Variants in PLEKHM3 observed in about 807,000 individuals in gnomAD.
The protein encoded by PLEKHM3 is pleckstrin homology domain-containing family M member 3.
In PLEKHM3, 45 loss-of-function variants were observed where a neutral mutation model predicts 81.8. The ratio of observed to expected loss-of-function variants is 0.55; its 90% confidence interval spans 0.43 to 0.71. The LOEUF is 0.71. Among genes scored for constraint, PLEKHM3 ranks in the 30% least tolerant of loss-of-function variants. The pLI is 0.00. For synonymous variants in PLEKHM3, 352 were observed against 356.4 expected (o/e 0.99, Z 0.14); for missense variants, 788 against 924.3 (o/e 0.85, Z 1.91).
At chr2:207,841,401 A>T (rs1482470901) in intron 7 of PLEKHM3, among the ~76,000 whole-genome samples, 4 of 138,254 alleles carry the variant, frequency 2.9e-5, no homozygotes, top group Non-Finnish European at 6.1e-5. Context: ...GGAGGCCGAG[A>T]TCACGCCATT....
At chr2:207,967,161 A>T (rs1690944274) in intron 3 of PLEKHM3, among the ~76,000 whole-genome samples, 1 of 151,536 alleles carries the variant, frequency 6.6e-6, no homozygotes, top group African/African-American at 2.4e-5. Context: ...TATTTTTTTT[A>T]TTTTTTATTT....
chr2:207,980,422 A>G lies in PLEKHM3; in HGVS notation c.611-2836T>C, dbSNP rs1691480068. On this transcript the variant is annotated intron_variant, in intron 2 of 7. Coordinates refer to ENST00000427836, the MANE Select transcript of PLEKHM3 (RefSeq NM_001080475.3). ...CTAGATGCAGAAGAAGAAAAAATGC[A>G]CTGGGTACCAACATTTTTTCCCCAC... 2.0e-5 allele frequency among the ~76,000 whole-genome samples: 3 copies of G among 152,202 alleles called. No individual in the cohort carries two copies. The South Asian group carries it at 6.2e-4, about 32-fold the overall frequency.
rs542054876 is a variant in PLEKHM3 at position 208,012,216 on chromosome 2, G to T, written c.-318-10259C>A. On this transcript the variant is annotated intron_variant, in intron 1 of 7. Transcript: ENST00000427836. The stretch of plus-strand genomic sequence containing the variant: ...GCCACCACGCCCGGCTAATTTTTTT[G>T]TATTTTTTAGTAGAGACGGGGTTTC... 2.0e-3 allele frequency among the ~76,000 whole-genome samples: 304 copies of T among 152,020 alleles called. 1 individual carries two copies. The highest frequency in any genetic ancestry group is 7.0e-3 in the African/African-American group (289 of 41,470).
intron 3 of PLEKHM3, among the ~76,000 whole-genome samples, chr2:207,968,803 C>T (rs114568031): frequency 3.2e-3 from 493 of 152,314 alleles, no homozygotes; most frequent in Non-Finnish European, 5.5e-3. Context: ...TGGGAGACAA[C>T]AATCCAAAAC....
chr2:207,859,161 G>T (rs2092453696), intron 7 of PLEKHM3, among the ~76,000 whole-genome samples: 1 of 135,816 alleles, frequency 7.4e-6, no homozygotes. Context: ...TTTTGAGATG[G>T]AGTTTCACTT....
intron 3 of PLEKHM3, among the ~76,000 whole-genome samples, chr2:207,948,794 C>T (rs1690232611): frequency 6.6e-6 from 1 of 151,946 alleles, no homozygotes; most frequent in African/African-American, 2.4e-5. Context: ...CCGCCCGCCT[C>T]GGCCTCCCAA....
At chr2:207,915,681 A>C (rs1044738754) in intron 5 of PLEKHM3, among the ~76,000 whole-genome samples, 1 of 152,248 alleles carries the variant, frequency 6.6e-6, no homozygotes, top group East Asian at 1.9e-4. Context: ...TAAAATTAAA[A>C]TGATAGCACA....
chr2:207,840,864 G>A (rs1054839443), intron 7 of PLEKHM3, among the ~76,000 whole-genome samples: 2 of 137,776 alleles, frequency 1.5e-5, no homozygotes, highest in Non-Finnish European at 1.5e-5. Context: ...GCAGTAGTGT[G>A]ATCTCGGCTC....
At chr2:207,830,397 C>T (rs994124579) in intron 7 of PLEKHM3, among the ~76,000 whole-genome samples, 3 of 151,876 alleles carry the variant, frequency 2.0e-5, no homozygotes, top group South Asian at 2.1e-4. Context: ...GCGGATCACC[C>T]GAGGTCAGGA....
At chr2:207,829,240 G>T (rs766248219) in intron 7 of PLEKHM3, among the ~76,000 whole-genome samples, 1 of 152,134 alleles carries the variant, frequency 6.6e-6, no homozygotes, top group Non-Finnish European at 1.5e-5. Flanking sequence ...GCCTGCACGG[G>T]AGTCTAAATA....
In PLEKHM3 at chr2:207,843,356, G is replaced by A. The variant is rs1575273085; in HGVS notation, c.2109-14860C>T. On this transcript the variant is annotated intron_variant, in intron 7 of 7. Coordinates refer to ENST00000427836, the MANE Select transcript of PLEKHM3 (RefSeq NM_001080475.3). This position sits in a 1 kb window ranked among gnomAD's most constrained non-coding sequence, Gnocchi z 4.4. ...AGTGAGGTAACAAACTAATGGGAGG[G>A]TTAGCCTGGGAGAAGGAGACTTGAG... 6.6e-6 allele frequency among the ~76,000 whole-genome samples: 1 copy of A among 152,262 alleles called. No homozygotes were observed. The highest frequency in any genetic ancestry group is 1.9e-4 in the East Asian group (1 of 5,182).
chr2:207,888,059 G>A (rs1268422398), intron 6 of PLEKHM3, among the ~76,000 whole-genome samples: 3 of 151,944 alleles, frequency 2.0e-5, no homozygotes, highest in Admixed American at 6.6e-5. Context: ...TCTGCAACAG[G>A]CTTCTCGGTG....
At chr2:207,902,247 TTGTC>T (rs1350580713) in intron 6 of PLEKHM3, among the ~76,000 whole-genome samples, 5 of 152,190 alleles carry the variant, frequency 3.3e-5, no homozygotes, top group Non-Finnish European at 5.9e-5. Context: ...GGCTCGGCCT[TTGTC>T]TGCTGACTCT....
At chr2:207,844,427 G>A (rs1312898828) in intron 7 of PLEKHM3, among the ~76,000 whole-genome samples, 1 of 149,410 alleles carries the variant, frequency 6.7e-6, no homozygotes, top group Non-Finnish European at 1.5e-5. Context: ...CTCAGCCTCC[G>A]GAGTAGCTGG....
intron 4 of PLEKHM3, among the ~76,000 whole-genome samples, chr2:207,937,465 G>A (rs571258559): frequency 6.6e-6 from 1 of 152,066 alleles, no homozygotes; most frequent in African/African-American, 2.4e-5. Context: ...AACTACTCAG[G>A]AGGCTGGGGT....
chr2:208,007,978 G>A (rs575322275), intron 1 of PLEKHM3, among the ~76,000 whole-genome samples: 6 of 152,226 alleles, frequency 3.9e-5, no homozygotes, highest in South Asian at 2.1e-4. Flanking sequence ...GCGTGAACCC[G>A]GGAGGCGGAG....
At chr2:207,883,778 A>G (rs1687785920) in intron 6 of PLEKHM3, among the ~76,000 whole-genome samples, 1 of 152,210 alleles carries the variant, frequency 6.6e-6, no homozygotes, top group Non-Finnish European at 1.5e-5. Context: ...AAAAATGGAA[A>G]AATATACAAA....
At chr2:207,871,299 G>A (rs1370590468) in intron 6 of PLEKHM3, among the ~76,000 whole-genome samples, 1 of 152,066 alleles carries the variant, frequency 6.6e-6, no homozygotes, top group Non-Finnish European at 1.5e-5. Flanking sequence ...TCCATTATGG[G>A]ACTACTCTAA....
At chr2:207,969,166 A>C (rs1038854571) in intron 3 of PLEKHM3, among the ~76,000 whole-genome samples, 2 of 152,208 alleles carry the variant, frequency 1.3e-5, no homozygotes, top group Non-Finnish European at 2.9e-5. Context: ...GATTTTGGCT[A>C]CCTTAGAACT....
Sources: allele counts gnomAD v4.1 joint callset (sites outside exome capture counted in the v4.1 genomes callset), GRCh38; gene constraint gnomAD v4.1.1; non-coding constraint Gnocchi (gnomAD v3.1); transcripts MANE v1.5; gene names NCBI Gene and HGNC (gene_info 2026-07-23, HGNC 2026-07-21).